ANO4: variants seen among roughly 807,000 people sequenced by gnomAD.
The protein encoded by ANO4 is anoctamin 4.
In ANO4, 69 loss-of-function variants were observed where a neutral mutation model predicts 141.9. That is an observed-to-expected ratio of 0.49 (90% CI 0.40 to 0.59). ANO4 has a LOEUF of 0.59. ANO4 is among the 20% of genes least tolerant of loss of function. The pLI is 0.00. For missense variants in ANO4, 894 were observed against 1,162.2 expected, an observed-to-expected ratio of 0.77 and a Z score of 3.36; for synonymous variants, 350 against 394.3, an observed-to-expected ratio of 0.89 and a Z score of 1.33.
chr12:100,831,408 G>T (rs2036624955), intron 1 of ANO4, among the ~76,000 whole-genome samples: 2 of 152,086 alleles, frequency 1.3e-5, no homozygotes, highest in African/African-American at 4.8e-5. Flanking sequence ...TTTTGAACAG[G>T]TTATTTTATG....
intron 1 of ANO4, among the ~76,000 whole-genome samples, chr12:100,874,333 A>G (rs2039186225): frequency 6.6e-6 from 1 of 152,148 alleles, no homozygotes; most frequent in Non-Finnish European, 1.5e-5. Context: ...GGCAACTTGT[A>G]CCATGTGCCT....
At chr12:100,718,897 A>G (rs2030734020) in intron 1 of ANO4, among the ~76,000 whole-genome samples, 1 of 152,130 alleles carries the variant, frequency 6.6e-6, no homozygotes, top group Admixed American at 6.5e-5. Flanking sequence ...ACCTTTTCCT[A>G]TCAGAGGGAT....
intron 3 of ANO4, among the ~76,000 whole-genome samples, chr12:100,747,562 G>A (rs1002385505): frequency 3.9e-5 from 6 of 152,154 alleles, no homozygotes; most frequent in Non-Finnish European, 8.8e-5. Flanking sequence ...GTGGTCTTCT[G>A]GTGGGATTGT....
intron 3 of ANO4, among the ~76,000 whole-genome samples, chr12:100,761,707 T>C (rs1044645434): frequency 1.3e-5 from 2 of 152,182 alleles, no homozygotes; most frequent in African/African-American, 4.8e-5. Flanking sequence ...TCTTATCAGT[T>C]AGAGATTTGA....
intron 14 of ANO4, among the ~76,000 whole-genome samples, chr12:101,069,527 C>T (rs2048725043): frequency 6.6e-6 from 1 of 152,186 alleles, no homozygotes; most frequent in Non-Finnish European, 1.5e-5. Flanking sequence ...ATGTAGGAGA[C>T]ATATGCCTTC....
At chr12:100,969,373 A>G (rs1566070107) in intron 5 of ANO4, among the ~76,000 whole-genome samples, 1 of 152,158 alleles carries the variant, frequency 6.6e-6, no homozygotes, top group African/African-American at 2.4e-5. Context: ...TTTCAGACCA[A>G]TATTAGAGAG....
At chr12:101,023,533 G>A (rs114896776) in intron 9 of ANO4, among the ~76,000 whole-genome samples, 176 of 152,256 alleles carry the variant, frequency 1.2e-3, no homozygotes, top group African/African-American at 4.0e-3. Context: ...TTACCCAGGC[G>A]TGGTGGTCAG....
intron 1 of ANO4, among the ~76,000 whole-genome samples, chr12:100,813,370 GA>G (rs973230267): frequency 2.6e-5 from 4 of 152,282 alleles, no homozygotes; most frequent in African/African-American, 9.6e-5. Context: ...GCAAAGTACA[GA>G]AGGTTTGAAG....
intron 8 of ANO4, among the ~76,000 whole-genome samples, chr12:100,998,908 C>T (rs2045513343): frequency 6.6e-6 from 1 of 152,180 alleles, no homozygotes; most frequent in African/African-American, 2.4e-5. Context: ...AAGTACTTCA[C>T]GGTTATAAAC....
At chr12:100,966,785 A>G (rs919753239) in intron 5 of ANO4, among the ~76,000 whole-genome samples, 3 of 151,748 alleles carry the variant, frequency 2.0e-5, no homozygotes, top group African/African-American at 4.8e-5. Context: ...CTATATATAT[A>G]CACACACATG....
chr12:101,010,783 T>C (rs1039203125), intron 8 of ANO4, among the ~76,000 whole-genome samples: 9 of 152,242 alleles, frequency 5.9e-5, no homozygotes, highest in African/African-American at 2.2e-4. Flanking sequence ...TATTATATTA[T>C]GGAATAACAC....
At chr12:100,974,567 C>G (rs2044078998) in intron 6 of ANO4, among the ~76,000 whole-genome samples, 1 of 152,068 alleles carries the variant, frequency 6.6e-6, no homozygotes, top group Admixed American at 6.5e-5. Context: ...AATTATCATA[C>G]TGCACATGCT....
rs371862514 is a variant in ANO4, at chr12:100,900,321, T to C, written c.-140-1325T>C. ...CTTACTTATTTATTTATTTTTATTA[T>C]ACTTTGAGTTCTAGGGTACATGTGC... On this transcript the variant is annotated intron_variant, in intron 1 of 27. Coordinates refer to ENST00000392977, the MANE Select transcript of ANO4 (RefSeq NM_001286615.2). 2.0e-5 allele frequency among the ~76,000 whole-genome samples: 3 copies of C among 152,162 alleles called. No homozygotes were observed. In the East Asian group the frequency reaches 5.8e-4, roughly 29 times the overall value.
chr12:100,884,571 T>C (rs1032172429), intron 1 of ANO4, among the ~76,000 whole-genome samples: 1 of 152,220 alleles, frequency 6.6e-6, no homozygotes, highest in Non-Finnish European at 1.5e-5. Context: ...CCTTAAAATG[T>C]CACCAATTTA....
chr12:100,749,449 C>T (rs1038282076), intron 3 of ANO4, among the ~76,000 whole-genome samples: 1 of 152,194 alleles, frequency 6.6e-6, no homozygotes, highest in African/African-American at 2.4e-5. Context: ...CTTCAAATTT[C>T]CTATTTTCCT....
At chr12:101,045,176 C>T (rs2047571452) in intron 13 of ANO4, among the ~76,000 whole-genome samples, 1 of 152,318 alleles carries the variant, frequency 6.6e-6, no homozygotes, top group African/African-American at 2.4e-5. Flanking sequence ...ATAATAGTTA[C>T]AGCTATAATA....
intron 1 of ANO4, among the ~76,000 whole-genome samples, chr12:100,808,526 A>T (rs1301054093): frequency 6.6e-6 from 1 of 152,214 alleles, no homozygotes; most frequent in African/African-American, 2.4e-5. Flanking sequence ...CACACAGGGT[A>T]TATGTTCCCA....
At chr12:100,884,715 G>A (rs1375089287) in intron 1 of ANO4, among the ~76,000 whole-genome samples, 1 of 152,110 alleles carries the variant, frequency 6.6e-6, no homozygotes, top group Non-Finnish European at 1.5e-5. Flanking sequence ...TGTTTTTTGG[G>A]ATGGAATCTC....
chr12:100,910,297 CTTG>C (rs1464530290), intron 2 of ANO4, among the ~76,000 whole-genome samples: 1 of 152,134 alleles, frequency 6.6e-6, no homozygotes, highest in African/African-American at 2.4e-5. Context: ...CCTCAGAATC[CTTG>C]TTATCTCAGT....
Sources: allele counts gnomAD v4.1 joint callset (sites outside exome capture counted in the v4.1 genomes callset), GRCh38; gene constraint gnomAD v4.1.1; transcripts MANE v1.5; gene names NCBI Gene and HGNC (gene_info 2026-07-23, HGNC 2026-07-21).